Variants in IGF2BP3 observed in about 807,000 individuals in gnomAD.
The protein encoded by IGF2BP3 is insulin like growth factor 2 mRNA binding protein 3.
In IGF2BP3, 9 loss-of-function variants were observed where a neutral mutation model predicts 73.8. The observed-to-expected ratio is 0.12, with a 90% CI of 0.07 to 0.21. The LOEUF (loss-of-function observed/expected upper bound fraction) is 0.21, where lower values mean the gene tolerates loss of function less well. Ranked by LOEUF, IGF2BP3 falls within the 10% of genes least tolerant of loss-of-function variation. The pLI is 1.00. For synonymous variants in IGF2BP3, 258 were observed against 256.7 expected, an observed-to-expected ratio of 1.01 and a Z score of -0.05; for missense variants, 542 against 714.0, an observed-to-expected ratio of 0.76 and a Z score of 2.75.
intron 2 of IGF2BP3, among the ~76,000 whole-genome samples, 199 bp from the exon 3 acceptor site, chr7:23,419,023 G>A (rs1307966796): frequency 2.0e-5 from 3 of 152,174 alleles, no homozygotes; most frequent in Admixed American, 1.3e-4. Context: ...TGGAGATCCA[G>A]CATTTATCGG....
At chr7:23,467,496 G>C (rs995345611) in intron 2 of IGF2BP3, among the ~76,000 whole-genome samples, 25 of 152,194 alleles carry the variant, frequency 1.6e-4, no homozygotes, top group African/African-American at 6.0e-4. Context: ...ATCCAGAAAG[G>C]CTTAGAGGCC....
At chr7:23,387,933 G>T (rs1786139070) in intron 3 of IGF2BP3, among the ~76,000 whole-genome samples, 1 of 151,920 alleles carries the variant, frequency 6.6e-6, no homozygotes, top group South Asian at 2.1e-4. Flanking sequence ...GAAAAGTTTA[G>T]AATTTTTTTT....
At chr7:23,460,893 G>A (rs1008147417) in intron 2 of IGF2BP3, among the ~76,000 whole-genome samples, 1 of 152,188 alleles carries the variant, frequency 6.6e-6, no homozygotes, top group Non-Finnish European at 1.5e-5. Flanking sequence ...GGAGGCTGCA[G>A]TGAGCCAAGA....
intron 3 of IGF2BP3, among the ~76,000 whole-genome samples, chr7:23,366,322 G>C (rs191916913): frequency 6.6e-6 from 1 of 152,058 alleles, no homozygotes; most frequent in South Asian, 2.1e-4. Flanking sequence ...ATTTTTAGTA[G>C]AGACGGGGTT....
chr7:23,431,893 G>A (rs926874116), intron 2 of IGF2BP3, among the ~76,000 whole-genome samples: 21 of 152,092 alleles, frequency 1.4e-4, no homozygotes, highest in Admixed American at 1.2e-3. Flanking sequence ...TTAACAGGGC[G>A]AGTCTCAAAG....
At chr7:23,448,231 C>T (rs1788110161) in intron 2 of IGF2BP3, among the ~76,000 whole-genome samples, 1 of 152,112 alleles carries the variant, frequency 6.6e-6, no homozygotes, top group African/African-American at 2.4e-5. Flanking sequence ...TTAGGAATAA[C>T]AGAAGGAAAC....
intron 3 of IGF2BP3, among the ~76,000 whole-genome samples, chr7:23,386,960 G>A (rs1562718258): frequency 6.6e-6 from 1 of 151,048 alleles, no homozygotes; most frequent in Non-Finnish European, 1.5e-5. Flanking sequence ...CCAGCTACTG[G>A]GGAGGCTGAG....
intron 11 of IGF2BP3, among the ~76,000 whole-genome samples, chr7:23,318,170 T>C (rs1467197280): frequency 3.3e-5 from 5 of 152,128 alleles, no homozygotes; most frequent in Non-Finnish European, 7.4e-5. Context: ...TTCCTGTGTA[T>C]GCAACACACT....
At chr7:23,438,763 T>TCAGTAACTA (rs1787863020) in intron 2 of IGF2BP3, among the ~76,000 whole-genome samples, 2 of 152,192 alleles carry the variant, frequency 1.3e-5, no homozygotes, top group Non-Finnish European at 2.9e-5. Flanking sequence ...CTTTAAAACT[T>TCAGTAACTA]CAGTAACTAT....
chr7:23,332,023 C>G (rs1784458774), intron 10 of IGF2BP3, among the ~76,000 whole-genome samples: 1 of 151,876 alleles, frequency 6.6e-6, no homozygotes, highest in Admixed American at 6.6e-5. Context: ...AGTGTCACAC[C>G]TTTAAACCCT....
intron 10 of IGF2BP3, among the ~76,000 whole-genome samples, chr7:23,322,213 C>A (rs574560115): frequency 6.6e-6 from 1 of 152,080 alleles, no homozygotes; most frequent in African/African-American, 2.4e-5. Context: ...AACCAATACA[C>A]AGAAGTGCTT....
chr7:23,330,102 T>C (rs1293142706), intron 10 of IGF2BP3, among the ~76,000 whole-genome samples: 3 of 151,774 alleles, frequency 2.0e-5, no homozygotes, highest in East Asian at 3.9e-4. Context: ...CTGGCCAACA[T>C]AGTAAAACCC....
chr7:23,379,820 CTA>C (rs1785849618), intron 3 of IGF2BP3, among the ~76,000 whole-genome samples: 2 of 152,158 alleles, frequency 1.3e-5, no homozygotes, highest in Non-Finnish European at 2.9e-5. Context: ...GGTTTGGAAC[CTA>C]TATGCTCTTA....
intron 10 of IGF2BP3, among the ~76,000 whole-genome samples, chr7:23,326,630 C>A (rs897703330): frequency 1.1e-4 from 17 of 150,454 alleles, no homozygotes; most frequent in African/African-American, 3.9e-4. Flanking sequence ...ATGTTTATTG[C>A]GGCATTATTC....
chr7:23,365,139 C>T (rs1251555005), intron 3 of IGF2BP3, among the ~76,000 whole-genome samples: 1 of 151,820 alleles, frequency 6.6e-6, no homozygotes, highest in African/African-American at 2.4e-5. Context: ...GCACTCCAGC[C>T]TGGGCAAAAG....
chr7:23,338,639 T>G (rs1342560553), intron 10 of IGF2BP3, among the ~76,000 whole-genome samples: 7 of 152,364 alleles, frequency 4.6e-5, no homozygotes, highest in Middle Eastern at 6.8e-3. Flanking sequence ...AAACAGTTGT[T>G]GTTAGCCTTG....
intron 10 of IGF2BP3, among the ~76,000 whole-genome samples, chr7:23,319,569 T>G (rs1784080482): frequency 6.6e-6 from 1 of 150,954 alleles, no homozygotes; most frequent in Non-Finnish European, 1.5e-5. Context: ...GGGACATGCT[T>G]GCATTAAAAA....
intron 10 of IGF2BP3, among the ~76,000 whole-genome samples, chr7:23,323,236 A>G (rs963881130): frequency 6.6e-6 from 1 of 151,850 alleles, no homozygotes; most frequent in East Asian, 1.9e-4. Context: ...TCTACCAAGC[A>G]AATGGAAAAC....
intron 3 of IGF2BP3, among the ~76,000 whole-genome samples, chr7:23,367,209 C>G (rs1785400624): frequency 6.6e-6 from 1 of 152,036 alleles, no homozygotes. Flanking sequence ...AATTCCTGAG[C>G]TCAAGTGATC....
Sources: allele counts gnomAD v4.1 joint callset (sites outside exome capture counted in the v4.1 genomes callset), GRCh38; gene constraint gnomAD v4.1.1; transcripts MANE v1.5; gene names NCBI Gene and HGNC (gene_info 2026-07-23, HGNC 2026-07-21).